The following WDPCP variants were observed in gnomAD, a reference collection of about 807,000 sequenced individuals.
WDPCP encodes WD repeat containing planar cell polarity effector.
WDPCP carries 71 observed loss-of-function variants against 93.1 expected under a neutral mutation model. That is an observed-to-expected ratio of 0.76 (90% CI 0.63 to 0.93). The LOEUF (loss-of-function observed/expected upper bound fraction) is 0.93, where lower values mean the gene tolerates loss of function less well. WDPCP is among the 40% of genes least tolerant of loss of function. The pLI is 0.00. For synonymous variants in WDPCP, 315 were observed against 315.0 expected (o/e 1.00, Z 0.00); for missense variants, 844 against 887.4 (o/e 0.95, Z 0.62).
intron 12 of WDPCP, among the ~76,000 whole-genome samples, chr2:63,326,829 T>C (rs563625256): frequency 2.0e-5 from 3 of 152,062 alleles, no homozygotes; most frequent in Admixed American, 6.5e-5. Context: ...ATGGAAGTAG[T>C]AAAGAAAAAA....
intron 13 of WDPCP, among the ~76,000 whole-genome samples, chr2:63,272,199 C>A (rs556600525): frequency 2.3e-4 from 35 of 152,332 alleles, no homozygotes; most frequent in Non-Finnish European, 3.8e-4. Context: ...TCACTAACAA[C>A]TGCAGCCCAA....
chr2:63,260,372 GAAAT>G (rs1339856980), intron 13 of WDPCP, among the ~76,000 whole-genome samples: 2 of 152,108 alleles, frequency 1.3e-5, no homozygotes, highest in African/African-American at 4.8e-5. Flanking sequence ...TTACAGTGAA[GAAAT>G]AAATATAAAT....
At chr2:63,682,439 A>G (rs565712514) in intron 2 of WDPCP, among the ~76,000 whole-genome samples, 1 of 152,130 alleles carries the variant, frequency 6.6e-6, no homozygotes, top group South Asian at 2.1e-4. Flanking sequence ...TTGATGAGGA[A>G]GAAGAATTAG....
At chr2:63,605,896 G>A (rs1175246524) in intron 3 of WDPCP, 12 of 1,498,562 alleles carry the variant, frequency 8.0e-6, no homozygotes, top group Non-Finnish European at 1.1e-5. Flanking sequence ...TGTCAGTTGT[G>A]TAAACTAATC....
chr2:63,178,328 A>G (rs763888179), intron 14 of WDPCP, among the ~76,000 whole-genome samples: 9 of 152,200 alleles, frequency 5.9e-5, no homozygotes, highest in Non-Finnish European at 1.0e-4. Context: ...TAATGAAGGC[A>G]TGAGGTCTTG....
At chr2:63,308,018 A>G (rs1685878789) in intron 13 of WDPCP, among the ~76,000 whole-genome samples, 1 of 152,192 alleles carries the variant, frequency 6.6e-6, no homozygotes, top group African/African-American at 2.4e-5. Flanking sequence ...ACACAAAGAA[A>G]TTAAACAAAG....
intron 7 of WDPCP, among the ~76,000 whole-genome samples, chr2:63,438,432 G>T (rs998228235): frequency 2.6e-5 from 4 of 152,004 alleles, no homozygotes; most frequent in African/African-American, 9.7e-5. Context: ...ACAAATAAAA[G>T]AAATACATGA....
intron 1 of WDPCP, among the ~76,000 whole-genome samples, chr2:63,548,249 T>A (rs938605153): frequency 7.9e-5 from 12 of 151,982 alleles, no homozygotes; most frequent in Non-Finnish European, 1.5e-4. Context: ...ATGAAAATAC[T>A]AACAAAAAGA....
intron 2 of WDPCP, among the ~76,000 whole-genome samples, chr2:63,670,937 T>G (rs1710338744): frequency 6.6e-6 from 1 of 152,180 alleles, no homozygotes; most frequent in African/African-American, 2.4e-5. Context: ...AAAGTTCAGC[T>G]TTTGGAGAAC....
At chr2:63,359,059 C>G (rs192530401) in intron 12 of WDPCP, among the ~76,000 whole-genome samples, 68 of 152,222 alleles carry the variant, frequency 4.5e-4, no homozygotes, top group Admixed American at 2.6e-3. Context: ...CTTGCACTCT[C>G]TCTTTCCTTC....
intron 1 of WDPCP, among the ~76,000 whole-genome samples, chr2:63,536,472 A>G (rs1704284560): frequency 6.6e-6 from 1 of 152,188 alleles, no homozygotes; most frequent in Admixed American, 6.5e-5. Flanking sequence ...AATGTCCATC[A>G]ATGATAGACT....
In WDPCP at chr2:63,622,837, T is replaced by C. The variant is rs577869426; in HGVS notation, n.488+27822A>G. On this transcript the variant is annotated intron_variant and non_coding_transcript_variant, in intron 3 of 4. Transcript: ENST00000467687. ...CCCAGGAAATACTTAACCATCGTCC[T>C]GGCCGAAGTGGGCTCAGCACCCGCG... 11 of 1,604,610 alleles carry C rather than the reference T, an allele frequency of 6.9e-6. No homozygotes were observed. The South Asian group carries it at 1.1e-4, about 16-fold the overall frequency.
chr2:63,442,997 T>C (rs1414527197), intron 6 of WDPCP: 2 of 152,144 alleles, frequency 1.3e-5, no homozygotes, highest in Non-Finnish European at 2.9e-5. Context: ...AACTGATCTA[T>C]GCATGGAGGC....
intron 6 of WDPCP, among the ~76,000 whole-genome samples, chr2:63,467,649 G>A (rs1332387954): frequency 1.3e-5 from 2 of 151,656 alleles, no homozygotes; most frequent in Non-Finnish European, 2.9e-5. Context: ...GGTGGTGCAC[G>A]CCTGTAGTCC....
At chr2:63,367,110 T>A (rs1456309090) in intron 12 of WDPCP, among the ~76,000 whole-genome samples, 1 of 151,148 alleles carries the variant, frequency 6.6e-6, no homozygotes, top group Non-Finnish European at 1.5e-5. Context: ...AAAAAAAAAA[T>A]TAAAGCAGGT....
chr2:63,593,443 G>C, upstream of WDPCP: 3 of 405,222 alleles, frequency 7.4e-6, no homozygotes, highest in South Asian at 5.7e-5. Flanking sequence ...CTATGAGTGA[G>C]TACCAAATTG....
At chr2:63,158,492 T>C (rs1481112322) in intron 15 of WDPCP, among the ~76,000 whole-genome samples, 1 of 152,204 alleles carries the variant, frequency 6.6e-6, no homozygotes, top group African/African-American at 2.4e-5. Flanking sequence ...TGTCCCAAGT[T>C]TCCCTCTGGT....
At chr2:63,610,018 C>A (rs1022358158) in intron 3 of WDPCP, among the ~76,000 whole-genome samples, 3 of 152,132 alleles carry the variant, frequency 2.0e-5, no homozygotes, top group Admixed American at 1.3e-4. Context: ...CACTGTGAAA[C>A]TGATTATCTC....
intron 12 of WDPCP, among the ~76,000 whole-genome samples, chr2:63,347,636 A>G (rs1228489979): frequency 6.6e-6 from 1 of 152,152 alleles, no homozygotes; most frequent in Non-Finnish European, 1.5e-5. Flanking sequence ...TGTTGTAGTC[A>G]TGGAAAAAGA....
Sources: gnomAD v4.1 joint callset for allele counts (sites outside exome capture counted in the v4.1 genomes callset) on GRCh38, gnomAD v4.1.1 for gene constraint, MANE v1.5 for transcripts, NCBI Gene and HGNC (gene_info 2026-07-23, HGNC 2026-07-21) for gene names.